Variants in FAN1 observed in about 807,000 individuals in gnomAD.
The protein encoded by FAN1 is FANCD2 and FANCI associated nuclease 1, also known as fanconi-associated nuclease 1.
Under a neutral mutation model 104.9 loss-of-function variants are expected in FAN1, and 91 were observed. The observed-to-expected ratio is 0.87, with a 90% CI of 0.73 to 1.03. The LOEUF (loss-of-function observed/expected upper bound fraction) is 1.03, where lower values mean the gene tolerates loss of function less well. FAN1 is among the 50% of genes least tolerant of loss of function. The pLI, the probability that FAN1 is intolerant of heterozygous loss-of-function variation, is 0.00. For missense variants in FAN1, 1,263 were observed against 1,239.9 expected (o/e 1.02, Z -0.28); for synonymous variants, 478 against 457.6 (o/e 1.04, Z -0.57).
At chr15:30,912,613 C>T (rs1291316803) in intron 4 of FAN1, among the ~76,000 whole-genome samples, 1 of 152,196 alleles carries the variant, frequency 6.6e-6, no homozygotes, top group Non-Finnish European at 1.5e-5. Context: ...TCTCCCACAC[C>T]CTCTGGGATG....
chr15:30,910,469 T>C lies in FAN1; in HGVS notation c.1376-145T>C, dbSNP rs575354436. 27 of 558,334 alleles carry C rather than the reference T, an allele frequency of 4.8e-5. No homozygotes were observed. In the South Asian group the frequency reaches 6.7e-4, roughly 14 times the overall value. The allele number at this position is 558,334 out of a possible 1,614,324, so 34.6% of individuals were successfully genotyped here. A position where few individuals can be genotyped will look rare whatever the true frequency, so the allele number is the denominator to read the frequency against. ...TGTTATTAATACGTTAATAATACCATGTTAATAATTCCACATTTAATGATT... is the reference window on the plus strand; with the variant it reads ...TGTTATTAATACGTTAATAATACCACGTTAATAATTCCACATTTAATGATT... On this transcript the variant is annotated intron_variant, in intron 3 of 14. Coordinates refer to ENST00000362065, the MANE Select transcript of FAN1 (RefSeq NM_014967.5).
In FAN1 at chr15:30,927,319, A is replaced by T. The variant is rs995004033; in HGVS notation, c.2489-1234A>T. 4.1e-6 allele frequency: 4 copies of T among 985,404 alleles called. No homozygotes were observed. The South Asian group carries it at 1.4e-4, about 35-fold the overall frequency. The allele number at this position is 985,404 out of a possible 1,614,324, so 61.0% of individuals were successfully genotyped here. ...TGACTGGAAATCAGGTCCTAGCTCC[A>T]CTCCTGGCTGGGAAAGAGCATGAAG... On this transcript the variant is annotated intron_variant, in intron 10 of 14. Transcript: ENST00000362065.
At chr15:30,941,507 AT>A in intron 14 of FAN1, 58 bp from the exon 15 acceptor site, 4 of 1,611,920 alleles carry the variant, frequency 2.5e-6, no homozygotes, top group Non-Finnish European at 3.4e-6. Flanking sequence ...AGACAACCAT[AT>A]TTTGGCCCCA....
intron 13 of FAN1, among the ~76,000 whole-genome samples, chr15:30,931,083 A>C (rs533270033): frequency 6.6e-6 from 1 of 152,336 alleles, no homozygotes; most frequent in African/African-American, 2.4e-5. Flanking sequence ...TTGTAACTCA[A>C]AGGATAAATG....
At chr15:30,914,738 T>A (rs1566916395) in intron 5 of FAN1, among the ~76,000 whole-genome samples, 1 of 152,218 alleles carries the variant, frequency 6.6e-6, no homozygotes, top group Non-Finnish European at 1.5e-5. Flanking sequence ...CAAGACTGAA[T>A]GTGAATATTT....
rs577759351 is a variant in FAN1 at position 30,905,677 on chromosome 15, G to A, written c.1014G>A (p.Glu338=). The change falls in exon 2 of 15, where the codon GAG becomes GAA. Residue 338 remains glutamate (E), a synonymous_variant. Coordinates refer to ENST00000362065, the MANE Select transcript of FAN1 (RefSeq NM_014967.5). ...CTTCTGCATGGAGTAACATCCAAGA[G>A]GCTCCTCTGCAGGATGACAGTTGCT... ...DDASAWSNIQ[E]APLQDDSCLN... The A allele has an allele frequency of 1.1e-4, 177 of 1,614,128 alleles. 4 individuals carry two copies. The South Asian group carries it at 1.9e-3, about 17-fold the overall frequency.
chr15:30,910,574 T>C, intron 3 of FAN1, 40 bp from the exon 4 acceptor site: 1 of 1,310,586 alleles, frequency 7.6e-7, no homozygotes. Flanking sequence ...AGCTAGAAAA[T>C]AGTAAAATTT....
At chr15:30,906,355 C>T (rs1464247756) in intron 2 of FAN1, 7 of 457,656 alleles carry the variant, frequency 1.5e-5, no homozygotes, top group South Asian at 1.1e-4. Flanking sequence ...TTTTCTTTCT[C>T]CCAACAACAT....
chr15:30,927,202 C>T, intron 10 of FAN1: 1 of 973,348 alleles, frequency 1.0e-6, no homozygotes, highest in Non-Finnish European at 1.2e-6. Flanking sequence ...GAGTGAGACC[C>T]TGTCTCAAAA....
chr15:30,911,600 A>G lies in FAN1; in HGVS notation c.1577+785A>G, dbSNP rs140369113. ...AAGCTCGTGTTATAGATTTTTAAAA[A>G]GTACTTCAATAAATTACATACTTGT... is the stretch of plus-strand genomic sequence containing the variant. On this transcript the variant is annotated intron_variant, in intron 4 of 14. Transcript: ENST00000362065. The G allele has an allele frequency of 1.6e-4, 155 of 952,994 alleles. 1 individual carries two copies. The African/African-American group carries it at 2.6e-3, about 16-fold the overall frequency. The allele number at this position is 952,994 out of a possible 1,614,324, so 59.0% of individuals were successfully genotyped here.
rs573162216 is a variant in FAN1, at chr15:30,904,329, C to G, written c.-152-183C>G. On this transcript the variant is annotated intron_variant, in intron 1 of 14. Coordinates refer to ENST00000362065, the MANE Select transcript of FAN1 (RefSeq NM_014967.5). ...ATTACCCTTACAAGCCCAGCTCTGT[C>G]ATTTTATAGTAAGGGACACTAAGAT... 1.3e-4 allele frequency among the ~76,000 whole-genome samples: 20 copies of G among 152,268 alleles called. 1 individual carries two copies. The South Asian group carries it at 3.3e-3, about 25-fold the overall frequency.
intron 3 of FAN1, among the ~76,000 whole-genome samples, chr15:30,909,814 C>T (rs542070939): frequency 1.3e-5 from 2 of 152,352 alleles, no homozygotes; most frequent in African/African-American, 2.4e-5. Flanking sequence ...TTTCCTTCCC[C>T]GCTGCGTGGT....
In FAN1 at chr15:30,942,949, T is replaced by C. The variant is rs1406692786; in HGVS notation, c.*1387T>C. The C allele has an allele frequency of 2.6e-6, 4 of 1,564,288 alleles. No individual in the cohort carries two copies. Among genetic ancestry groups the C allele is most frequent in the Non-Finnish European group, 3.5e-6 (4 of 1,152,252 alleles). On this transcript the variant is annotated 3_prime_UTR_variant, in exon 15 of 15. Transcript: ENST00000362065. ...TGTATACAAGGTGTGCTCTTTCCAA[T>C]GTAGAAGGGGTTATGGAAAAGGGTG...
chr15:30,915,492 G>GGT (rs2062181066), intron 5 of FAN1, among the ~76,000 whole-genome samples: 1 of 152,130 alleles, frequency 6.6e-6, no homozygotes, highest in Middle Eastern at 3.2e-3. Context: ...GGTGATGCCT[G>GGT]GTATGGCAAC....
intron 6 of FAN1, among the ~76,000 whole-genome samples, chr15:30,919,002 A>G (rs1054359175): frequency 3.3e-5 from 5 of 152,228 alleles, no homozygotes; most frequent in African/African-American, 1.2e-4. Flanking sequence ...TACATAGTCA[A>G]TTAACACACA....
In FAN1 at chr15:30,910,674, C is replaced by T. The variant is rs1264766274; in HGVS notation, c.1436C>T (p.Ser479Phe). The T allele has an allele frequency of 1.2e-6, 2 of 1,613,652 alleles. No homozygotes were observed. Among genetic ancestry groups the T allele is most frequent in the Non-Finnish European group, 1.7e-6 (2 of 1,179,856 alleles). ...LELLSAPELKSLAKTFHLVNP... is the reference protein window; with the variant it reads ...LELLSAPELKFLAKTFHLVNP... ...CTCCTTTCTGCTCCTGAACTAAAAT[C>T]CCTAGCCAAGACCTTCCACTTGGTG... The change falls in exon 4 of 15, where the codon TCC becomes TTC. Residue 479 changes from serine to phenylalanine, a missense_variant. This residue lies in a region of FAN1 where 682 missense variants were observed against 571.1 expected (regional missense o/e 1.19). Coordinates refer to ENST00000362065, the MANE Select transcript of FAN1 (RefSeq NM_014967.5).
intron 8 of FAN1, among the ~76,000 whole-genome samples, chr15:30,924,432 C>A (rs868506042): frequency 6.6e-6 from 1 of 152,176 alleles, no homozygotes; most frequent in African/African-American, 2.4e-5. Flanking sequence ...GTGTTTACAC[C>A]AGTGTCACAT....
intron 5 of FAN1, among the ~76,000 whole-genome samples, chr15:30,914,662 G>A (rs899258384): frequency 5.9e-5 from 9 of 152,080 alleles, no homozygotes; most frequent in African/African-American, 1.4e-4. Context: ...CACCGCCCTC[G>A]GCCTGTATTT....
At chr15:30,927,513 C>T in intron 10 of FAN1, 1 of 985,754 alleles carries the variant, frequency 1.0e-6, no homozygotes, top group Middle Eastern at 5.2e-4. Flanking sequence ...CAGAGGTGAC[C>T]CAGGCAGGCA....
Sources: gnomAD v4.1 joint callset for allele counts (sites outside exome capture counted in the v4.1 genomes callset) on GRCh38, gnomAD v4.1.1 for gene constraint, gnomAD v4.1.1 regional missense constraint, MANE v1.5 for transcripts, NCBI Gene and HGNC (gene_info 2026-07-23, HGNC 2026-07-21) for gene names.